KLHL1: variants seen among roughly 807,000 people sequenced by gnomAD.
The protein encoded by KLHL1 is kelch like family member 1.
In KLHL1, 47 loss-of-function variants were observed where a neutral mutation model predicts 77.7. The ratio of observed to expected loss-of-function variants is 0.60; its 90% CI spans 0.48 to 0.77. The LOEUF is 0.77. Among genes scored for constraint, KLHL1 ranks in the 30% least tolerant of loss-of-function variants. The pLI is 0.00. For synonymous variants in KLHL1, 360 were observed against 325.2 expected (o/e 1.11, Z -1.15); for missense variants, 925 against 910.8 (o/e 1.02, Z -0.20).
At chr13:70,030,373 C>A (rs972648513) in intron 1 of KLHL1, among the ~76,000 whole-genome samples, 7 of 152,096 alleles carry the variant, frequency 4.6e-5, no homozygotes, top group African/African-American at 1.4e-4. Flanking sequence ...TGTAAAAGAA[C>A]AGAAATTATA....
chr13:70,097,112 C>T (rs1191669985), intron 1 of KLHL1, among the ~76,000 whole-genome samples: 3 of 151,980 alleles, frequency 2.0e-5, no homozygotes, highest in African/African-American at 7.2e-5. Flanking sequence ...AATTAGCATA[C>T]ATTATGGGAC....
chr13:69,863,929 C>T (rs1880270032), intron 5 of KLHL1, among the ~76,000 whole-genome samples: 1 of 151,712 alleles, frequency 6.6e-6, no homozygotes, highest in Non-Finnish European at 1.5e-5. Context: ...ATGTATTGTA[C>T]ATAATAAGCA....
At chr13:70,062,109 CT>C (rs1886904964) in intron 1 of KLHL1, among the ~76,000 whole-genome samples, 1 of 152,136 alleles carries the variant, frequency 6.6e-6, no homozygotes, top group Non-Finnish European at 1.5e-5. Context: ...TCTCCGTTAC[CT>C]TTCCCATCCG....
chr13:69,870,587 T>G (rs1189559802), intron 5 of KLHL1, among the ~76,000 whole-genome samples: 1 of 151,944 alleles, frequency 6.6e-6, no homozygotes, highest in Non-Finnish European at 1.5e-5. Context: ...AAGTCAAGCC[T>G]CATTTGAGAC....
At chr13:70,065,004 A>G (rs1886974207) in intron 1 of KLHL1, among the ~76,000 whole-genome samples, 2 of 152,136 alleles carry the variant, frequency 1.3e-5, no homozygotes, top group African/African-American at 2.4e-5. Context: ...AGTGCATTAT[A>G]AGAATAATTC....
Position 69,947,240 on chromosome 13 carries a change from G to A in KLHL1, c.818-7004C>T, listed in dbSNP as rs548167289. 5.9e-5 allele frequency among the ~76,000 whole-genome samples: 9 copies of A among 152,102 alleles called. No individual in the cohort carries two copies. In the South Asian group the frequency reaches 1.9e-3, roughly 32 times the overall value. Reference sequence around the variant, plus strand: ...GACTCTGACTGATAAAGTGAATATTGGATGTGGACAGTGAGGAATAAAATC... The same window carrying A: ...GACTCTGACTGATAAAGTGAATATTAGATGTGGACAGTGAGGAATAAAATC... On this transcript the variant is annotated intron_variant, in intron 3 of 10. Transcript: ENST00000377844.
intron 5 of KLHL1, among the ~76,000 whole-genome samples, chr13:69,880,157 A>G (rs1880932901): frequency 6.6e-6 from 1 of 152,150 alleles, no homozygotes. Flanking sequence ...CACTAGCTCT[A>G]TGGACTTTGA....
At chr13:69,717,640 G>A (rs9805203) in intron 9 of KLHL1, among the ~76,000 whole-genome samples, 51,761 of 151,872 alleles carry the variant, frequency 0.34, 8,988 homozygotes, top group Non-Finnish European at 0.37. Flanking sequence ...TCATTTCATT[G>A]GCAGCATTTA....
chr13:69,954,728 A>G (rs552667552), intron 3 of KLHL1, among the ~76,000 whole-genome samples: 3 of 151,368 alleles, frequency 2.0e-5, no homozygotes, highest in Middle Eastern at 3.4e-3. Flanking sequence ...CACAAAATTG[A>G]AATAGTTTTT....
Position 69,832,534 on chromosome 13 carries a change from C to A in KLHL1, c.1414+6442G>T, listed in dbSNP as rs991934432. On this transcript the variant is annotated intron_variant, in intron 6 of 10. Coordinates refer to ENST00000377844, the MANE Select transcript of KLHL1 (RefSeq NM_020866.3). ...AAATAATCATACTGCCAAAAGCAAT[C>A]TAAAAATTCAATGCAATTCCCATCA... Among the ~76,000 whole-genome samples, 5 of 149,396 alleles carry A rather than the reference C, an allele frequency of 3.3e-5. 1 individual carries two copies. The highest frequency in any genetic ancestry group is 1.3e-4 in the African/African-American group (5 of 39,666).
At chr13:70,010,605 G>C (rs1254706065) in intron 1 of KLHL1, among the ~76,000 whole-genome samples, 4 of 151,976 alleles carry the variant, frequency 2.6e-5, no homozygotes, top group Non-Finnish European at 5.9e-5. Context: ...ATAAACAAGA[G>C]TTCAGGCTGG....
intron 1 of KLHL1, among the ~76,000 whole-genome samples, chr13:69,992,655 A>T (rs1157703117): frequency 6.6e-6 from 1 of 152,020 alleles, no homozygotes; most frequent in Non-Finnish European, 1.5e-5. Flanking sequence ...ATGATCCTTT[A>T]TCTTTCCTTA....
At chr13:70,014,550 T>C (rs1051723446) in intron 1 of KLHL1, among the ~76,000 whole-genome samples, 1 of 57,320 alleles carries the variant, frequency 1.7e-5, no homozygotes, top group Admixed American at 2.0e-4. Flanking sequence ...ATTGAAGCTA[T>C]TGAAAATGAT....
At position 69,919,836 on chromosome 13, in the gene KLHL1, ATATT is replaced by A. The variant is rs535401698; in HGVS notation, c.1014+20200_1014+20203del. Among the ~76,000 whole-genome samples the A allele has an allele frequency of 8.5e-5, 13 of 152,308 alleles. No homozygotes were observed. In the South Asian group the frequency reaches 2.7e-3, roughly 32 times the overall value. ...AAAATAAAAATAAAAAAGGTCACAT[ATATT>A]TATTTCAGTTCTGACTATTCCATTA... On this transcript the variant is annotated intron_variant, in intron 4 of 10. Coordinates refer to ENST00000377844, the MANE Select transcript of KLHL1 (RefSeq NM_020866.3).
chr13:69,776,225 T>A (rs1593818017), intron 7 of KLHL1, among the ~76,000 whole-genome samples: 1 of 152,268 alleles, frequency 6.6e-6, no homozygotes, highest in South Asian at 2.1e-4. Flanking sequence ...CCACAAAACA[T>A]AGCTTTGCCC....
At chr13:69,782,569 A>G (rs1185218773) in intron 7 of KLHL1, among the ~76,000 whole-genome samples, 1 of 152,144 alleles carries the variant, frequency 6.6e-6, no homozygotes, top group East Asian at 1.9e-4. Flanking sequence ...GATTGCTAGC[A>G]TAGGAGTCTG....
chr13:70,098,872 T>C (rs1162269261), intron 1 of KLHL1, among the ~76,000 whole-genome samples: 2 of 151,852 alleles, frequency 1.3e-5, no homozygotes, highest in African/African-American at 4.8e-5. Flanking sequence ...TCAATGTGAA[T>C]AAACAACCAC....
chr13:69,750,009 A>G (rs532778586), intron 7 of KLHL1, among the ~76,000 whole-genome samples: 2 of 151,916 alleles, frequency 1.3e-5, no homozygotes, highest in African/African-American at 4.8e-5. Flanking sequence ...TCTTAATTTG[A>G]AAAGCATTAG....
rs149408210 is a variant in KLHL1, at chr13:69,772,720, A to G, written c.1639+24018T>C. On this transcript the variant is annotated intron_variant, in intron 7 of 10. Coordinates refer to ENST00000377844, the MANE Select transcript of KLHL1 (RefSeq NM_020866.3). ...TTGCAGGTAATAGGGTTTGGTTGCA[A>G]TGGTAGCTGTTTTTAGTTGTTTCTG... is the stretch of plus-strand genomic sequence containing the variant. Among the ~76,000 whole-genome samples the G allele has an allele frequency of 3.3e-4, 51 of 152,292 alleles. No homozygotes were observed. The East Asian group carries it at 8.7e-3, about 26-fold the overall frequency.
Sources: allele counts gnomAD v4.1 joint callset (sites outside exome capture counted in the v4.1 genomes callset), GRCh38; gene constraint gnomAD v4.1.1; transcripts MANE v1.5; gene names NCBI Gene and HGNC (gene_info 2026-07-23, HGNC 2026-07-21).